The following HLA-DOA variants were observed in gnomAD, a reference collection of about 807,000 sequenced individuals.
The protein encoded by HLA-DOA is major histocompatibility complex, class II, DO alpha.
Under a neutral mutation model 22.9 loss-of-function variants are expected in HLA-DOA, and 27 were observed. The ratio of observed to expected loss-of-function variants is 1.18; its 90% CI spans 0.87 to 1.62. The LOEUF (loss-of-function observed/expected upper bound fraction) is 1.62, where lower values mean the gene tolerates loss of function less well. Ranked by LOEUF, HLA-DOA falls within the 40% of genes most tolerant of loss-of-function variation. HLA-DOA has a pLI of 0.00. For synonymous variants in HLA-DOA, 137 were observed against 138.6 expected (o/e 0.99, Z 0.08); for missense variants, 324 against 332.4 (o/e 0.97, Z 0.20).
chr6:33,008,505 G>T, intron 1 of HLA-DOA: 1 of 1,075,666 alleles, frequency 9.3e-7, no homozygotes, highest in Non-Finnish European at 1.2e-6. Context: ...AGGATGGGAA[G>T]AGGAGGGACT....
intron 2 of HLA-DOA, 114 bp from the exon 3 acceptor site, chr6:33,007,706 G>A (rs1409426162): frequency 2.4e-6 from 3 of 1,248,662 alleles, no homozygotes; most frequent in Non-Finnish European, 3.3e-6. Context: ...GGGATGCTCT[G>A]GGGTATCCAC....
At position 33,009,469 on chromosome 6, in the gene HLA-DOA, G is replaced by T; in HGVS notation, c.68C>A (p.Ala23Glu). 1 of 1,602,248 alleles carries T rather than the reference G, an allele frequency of 6.2e-7. No homozygotes were observed. The highest frequency in any genetic ancestry group is 8.5e-7 in the Non-Finnish European group (1 of 1,176,316). Residue 23 changes from alanine (A) to glutamate (E), a missense_variant, in exon 1 of 5, where the codon GCA becomes GAA. Transcript: ENST00000229829. The surrounding 1 kb of genome is among the most constrained non-coding windows in gnomAD (Gnocchi z 4.8). Reference sequence around the variant, plus strand: ...CTCGCACTCACCCTTGGTGGCCCCTGCCTCCTGCGGGCTCAGGAGGGTCAT... The same window carrying T: ...CTCGCACTCACCCTTGGTGGCCCCTTCCTCCTGCGGGCTCAGGAGGGTCAT... ...TLMTLLSPQEAGATKADHMGS... is the reference protein window; with the variant it reads ...TLMTLLSPQEEGATKADHMGS...
intron 1 of HLA-DOA, among the ~76,000 whole-genome samples, chr6:33,008,860 G>A (rs1358949720): frequency 6.6e-6 from 1 of 152,124 alleles, no homozygotes; most frequent in Non-Finnish European, 1.5e-5. Flanking sequence ...ACTGAGTGTG[G>A]CTCTTCCATA....
intron 2 of HLA-DOA, 43 bp downstream of exon 2, chr6:33,007,969 TG>T: frequency 6.3e-7 from 1 of 1,582,740 alleles, no homozygotes; most frequent in South Asian, 1.2e-5. Context: ...GAAGTTTCTC[TG>T]GACCTTCCCG....
chr6:33,004,571 G>A lies in HLA-DOA; in HGVS notation c.*2267C>T, dbSNP rs1183594128. ...TTGAGATGATATAAACTCAGGAGCT[G>A]TCGGGTGGACATGTTCACTGAGAAG... is the stretch of plus-strand genomic sequence containing the variant. On this transcript the variant is annotated 3_prime_UTR_variant, in exon 5 of 5. Coordinates refer to ENST00000229829, the MANE Select transcript of HLA-DOA (RefSeq NM_002119.4). 1 of 152,248 alleles carries A rather than the reference G, an allele frequency of 6.6e-6. No individual in the cohort carries two copies. Among genetic ancestry groups the A allele is most frequent in the Non-Finnish European group, 1.5e-5 (1 of 68,084 alleles). The allele number at this position is 152,248 out of a possible 1,614,324, so 9.4% of individuals were successfully genotyped here. A position where few individuals can be genotyped will look rare whatever the true frequency, so the allele number is the denominator to read the frequency against.
At position 33,006,660 on chromosome 6, in the gene HLA-DOA, A is replaced by G; in HGVS notation, c.*178T>C. The G allele has an allele frequency of 1.1e-6, 1 of 886,352 alleles. No individual in the cohort carries two copies. The allele number at this position is 886,352 out of a possible 1,614,324, so 54.9% of individuals were successfully genotyped here. ...GGGAAGGGAAGCTAGTAGGTGTCCAACAAACCCTGCCATGAATACTGGGGC... is the reference window on the plus strand; with the variant it reads ...GGGAAGGGAAGCTAGTAGGTGTCCAGCAAACCCTGCCATGAATACTGGGGC... On this transcript the variant is annotated 3_prime_UTR_variant, in exon 5 of 5. Transcript: ENST00000229829.
chr6:33,008,007 C>G lies in HLA-DOA; in HGVS notation c.331+6G>C. On this transcript the variant is annotated splice_donor_region_variant and intron_variant, in intron 2 of 4. Transcript: ENST00000229829. ...CTGACTGGGTGGGCAGAGGGAGGGC[C>G]GGTACCGTTGATGGCTCTGCTGCGG... is the stretch of plus-strand genomic sequence containing the variant. 3.1e-6 allele frequency: 5 copies of G among 1,609,142 alleles called. No homozygotes were observed. The highest frequency in any genetic ancestry group is 4.2e-6 in the Non-Finnish European group (5 of 1,177,406).
rs757193491 is a variant in HLA-DOA, at chr6:33,006,876, C to T, written c.750-35G>A. The T allele has an allele frequency of 1.7e-5, 26 of 1,564,922 alleles. No homozygotes were observed. The South Asian group carries it at 2.2e-4, about 13-fold the overall frequency. ...CAGAAAACATACGATCGAGGTTGCTCAATTTCAATATGCTGGGATCCTATC... is the reference window on the plus strand; with the variant it reads ...CAGAAAACATACGATCGAGGTTGCTTAATTTCAATATGCTGGGATCCTATC... On this transcript the variant is annotated intron_variant, in intron 4 of 4. Coordinates refer to ENST00000229829, the MANE Select transcript of HLA-DOA (RefSeq NM_002119.4).
chr6:33,008,210 G>A lies in HLA-DOA; in HGVS notation c.134C>T (p.Ser45Leu), dbSNP rs371630344. 3 of 1,613,052 alleles carry A rather than the reference G, an allele frequency of 1.9e-6. No homozygotes were observed. Among genetic ancestry groups the A allele is most frequent in the South Asian group, 1.1e-5 (1 of 91,076 alleles). ...ATCAAATTCATGGGTGAACTGGCCC[G>A]AGGCGCCGTAAGACTGGTAGAAGGC... is the stretch of plus-strand genomic sequence containing the variant. Reference protein sequence around the residue: ...GPAFYQSYGASGQFTHEFDEE... With the variant: ...GPAFYQSYGALGQFTHEFDEE... The change falls in exon 2 of 5, where the codon TCG becomes TTG. Residue 45 changes from serine to leucine, a missense_variant. Transcript: ENST00000229829.
At chr6:33,008,878 T>A (rs926480018) in intron 1 of HLA-DOA, among the ~76,000 whole-genome samples, 1 of 152,166 alleles carries the variant, frequency 6.6e-6, no homozygotes, top group African/African-American at 2.4e-5. Flanking sequence ...ATAACTGTTG[T>A]CTAGTTTTCT....
In HLA-DOA at chr6:33,005,542, C is replaced by T. The variant is rs1780776583; in HGVS notation, c.*1296G>A. Reference sequence around the variant, plus strand: ...CCCCTGCACTCCCGAGATTCTAATTCAGTAGGTCTGGGTGATGACTGTTAT... The same window carrying T: ...CCCCTGCACTCCCGAGATTCTAATTTAGTAGGTCTGGGTGATGACTGTTAT... On this transcript the variant is annotated 3_prime_UTR_variant, in exon 5 of 5. Transcript: ENST00000229829. 1 of 151,954 alleles carries T rather than the reference C, an allele frequency of 6.6e-6. No homozygotes were observed. The highest frequency in any genetic ancestry group is 1.5e-5 in the Non-Finnish European group (1 of 68,044). 9.4% of individuals were successfully genotyped at this position (151,954 alleles called of 1,614,324 possible). A position where few individuals can be genotyped will look rare whatever the true frequency, so the allele number is the denominator to read the frequency against.
chr6:33,007,801 T>C (rs9276980), intron 2 of HLA-DOA: 125,866 of 829,486 alleles, frequency 0.15, 10,227 homozygotes, highest in South Asian at 0.17. Flanking sequence ...GACTGGTCCC[T>C]GGGCGGGAGT....
chr6:33,007,351 C>G lies in HLA-DOA; in HGVS notation c.573G>C (p.Val191=). The change falls in exon 3 of 5, where the codon GTG becomes GTC. Residue 191 remains valine (V), a synonymous_variant. Transcript: ENST00000229829. ...GTGGCGCATCCAGGCCCCAGTGCTC[C>G]ACCTGGCAGTCATAGACGTCCTCGG... ...PSAEDVYDCQ[V]EHWGLDAPLL... 6.2e-7 allele frequency: 1 copy of G among 1,610,554 alleles called. No individual in the cohort carries two copies. Among genetic ancestry groups the G allele is most frequent in the Non-Finnish European group, 8.5e-7 (1 of 1,178,392 alleles).
Position 33,009,344 on chromosome 6 carries a change from G to T in HLA-DOA, c.82+111C>A. The T allele has an allele frequency of 1.5e-6, 1 of 650,210 alleles. No homozygotes were observed. The highest frequency in any genetic ancestry group is 2.5e-6 in the Non-Finnish European group (1 of 405,198). The allele number at this position is 650,210 out of a possible 1,614,324, so 40.3% of individuals were successfully genotyped here. A position where few individuals can be genotyped will look rare whatever the true frequency, so the allele number is the denominator to read the frequency against. ...TGGGTGTCTCTTGGTGAAGGAAGTTGCCCATAAACCAGAGAGCGAGAGGAA... is the reference window on the plus strand; with the variant it reads ...TGGGTGTCTCTTGGTGAAGGAAGTTTCCCATAAACCAGAGAGCGAGAGGAA... On this transcript the variant is annotated intron_variant, in intron 1 of 4. Coordinates refer to ENST00000229829, the MANE Select transcript of HLA-DOA (RefSeq NM_002119.4). The surrounding 1 kb of genome is among the most constrained non-coding windows in gnomAD (Gnocchi z 4.8).
At position 33,008,191 on chromosome 6, in the gene HLA-DOA, T is replaced by C. The variant is rs753239652; in HGVS notation, c.153A>G (p.Glu51=). Residue 51 remains glutamate (E), a synonymous_variant, in exon 2 of 5, where the codon GAA becomes GAG. Coordinates refer to ENST00000229829, the MANE Select transcript of HLA-DOA (RefSeq NM_002119.4). ...SYGASGQFTH[E]FDEEQLFSVD... The stretch of plus-strand genomic sequence containing the variant: ...CAGAGAACAGCTGTTCCTCATCAAA[T>C]TCATGGGTGAACTGGCCCGAGGCGC... The C allele has an allele frequency of 5.6e-6, 9 of 1,612,960 alleles. No individual in the cohort carries two copies. In the South Asian group the frequency reaches 9.9e-5, roughly 18 times the overall value.
Position 33,009,200 on chromosome 6 carries a change from AG to A in HLA-DOA, c.82+254del, listed in dbSNP as rs776517089. ...TTGGGTGGAGGTTTGGGTCTCAGGA[AG>A]GAGGAAGGAATGAGGAGAAATCTGA... is the stretch of plus-strand genomic sequence containing the variant. On this transcript the variant is annotated intron_variant, in intron 1 of 4. Coordinates refer to ENST00000229829, the MANE Select transcript of HLA-DOA (RefSeq NM_002119.4). The surrounding 1 kb of genome is among the most constrained non-coding windows in gnomAD (Gnocchi z 4.8). Among the ~76,000 whole-genome samples, 94 of 152,230 alleles carry A rather than the reference AG, an allele frequency of 6.2e-4. No homozygotes were observed. The highest frequency in any genetic ancestry group is 2.1e-3 in the South Asian group (10 of 4,818).
At position 33,005,956 on chromosome 6, in the gene HLA-DOA, C is replaced by G. The variant is rs1038921803; in HGVS notation, c.*882G>C. The G allele has an allele frequency of 1.3e-5, 2 of 152,200 alleles. No individual in the cohort carries two copies. The highest frequency in any genetic ancestry group is 4.8e-5 in the African/African-American group (2 of 41,440). The allele number at this position is 152,200 out of a possible 1,614,324, so 9.4% of individuals were successfully genotyped here. Reference sequence around the variant, plus strand: ...TTTGAAAACCGTAATCTGTATTGCTCATTTTGGTCCTGACATAAACTATGT... The same window carrying G: ...TTTGAAAACCGTAATCTGTATTGCTGATTTTGGTCCTGACATAAACTATGT... On this transcript the variant is annotated 3_prime_UTR_variant, in exon 5 of 5. Coordinates refer to ENST00000229829, the MANE Select transcript of HLA-DOA (RefSeq NM_002119.4).
chr6:33,009,532 G>T lies in HLA-DOA; in HGVS notation c.5C>A (p.Ala2Asp), dbSNP rs750371793. ...CCCCAGGACCAGCCCTGCTCTGAGG[G>T]CCATTACACTCTGGTGCTTTAATCA... M[A>D]LRAGLVLGFH... is the part of the protein sequence containing the mutation. Residue 2 changes from alanine to aspartate, a missense_variant, in exon 1 of 5, where the codon GCC becomes GAC. Physicochemically the swap from Ala to Asp is moderately radical, Grantham distance 126. Coordinates refer to ENST00000229829, the MANE Select transcript of HLA-DOA (RefSeq NM_002119.4). This position sits in a 1 kb window ranked among gnomAD's most constrained non-coding sequence, Gnocchi z 4.8. 2 of 1,601,104 alleles carry T rather than the reference G, an allele frequency of 1.2e-6. No homozygotes were observed. Among genetic ancestry groups the T allele is most frequent in the Non-Finnish European group, 1.7e-6 (2 of 1,175,016 alleles).
intron 1 of HLA-DOA, 177 bp from the exon 2 acceptor site, chr6:33,008,438 AAG>A: frequency 7.0e-7 from 1 of 1,421,902 alleles, no homozygotes; most frequent in Non-Finnish European, 9.2e-7. Context: ...AACAGGAAGA[AAG>A]AGGCTCATCC....
Sources: allele counts gnomAD v4.1 joint callset (sites outside exome capture counted in the v4.1 genomes callset), GRCh38; gene constraint gnomAD v4.1.1; non-coding constraint Gnocchi (gnomAD v3.1); transcripts MANE v1.5; gene names NCBI Gene and HGNC (gene_info 2026-07-23, HGNC 2026-07-21).